The following LMX1A variants were observed in gnomAD, a reference collection of about 807,000 sequenced individuals.
The protein encoded by LMX1A is LIM homeobox transcription factor 1-alpha.
LMX1A carries 15 observed loss-of-function variants against 49.1 expected under a neutral mutation model. The observed-to-expected ratio is 0.31, with a 90% CI of 0.20 to 0.47. The LOEUF is 0.47. Ranked by LOEUF, LMX1A falls within the 20% of genes least tolerant of loss-of-function variation. LMX1A has a pLI of 1.00. For missense variants in LMX1A, 372 were observed against 475.8 expected, an observed-to-expected ratio of 0.78 and a Z score of 2.03; for synonymous variants, 167 against 185.7, an observed-to-expected ratio of 0.90 and a Z score of 0.82.
At chr1:165,342,684 A>G (rs1438519226) in intron 3 of LMX1A, among the ~76,000 whole-genome samples, 1 of 152,108 alleles carries the variant, frequency 6.6e-6, no homozygotes, top group Non-Finnish European at 1.5e-5. Context: ...CCCAAATCCT[A>G]AAAACTTCCT....
At chr1:165,301,626 C>A (rs370940405) in intron 3 of LMX1A, among the ~76,000 whole-genome samples, 11 of 152,088 alleles carry the variant, frequency 7.2e-5, no homozygotes, top group Non-Finnish European at 1.2e-4. Context: ...GGTGAGAATG[C>A]GCTGCTAAAT....
intron 3 of LMX1A, among the ~76,000 whole-genome samples, chr1:165,282,873 T>A (rs1332566721): frequency 6.6e-6 from 1 of 152,224 alleles, no homozygotes; most frequent in Non-Finnish European, 1.5e-5. Context: ...GTAATCTTTT[T>A]AAAATGTAAA....
Position 165,249,645 on chromosome 1 carries a change from C to T in LMX1A, c.264-5G>A. The T allele has an allele frequency of 6.2e-7, 1 of 1,611,582 alleles. No individual in the cohort carries two copies. ...CCACATTTAACAGCAAACAGCCTGG[C>T]AGCAGGGAGAAAGGAAGTACATGCA... On this transcript the variant is annotated splice_region_variant and splice_polypyrimidine_tract_variant and intron_variant, in intron 3 of 8. Transcript: ENST00000342310.
intron 2 of LMX1A, among the ~76,000 whole-genome samples, chr1:165,354,379 T>C (rs929933293): frequency 2.0e-5 from 3 of 152,170 alleles, no homozygotes; most frequent in Non-Finnish European, 4.4e-5. Context: ...CTCGGCGTCC[T>C]GGGCCACGTT....
At chr1:165,249,667 T>C (rs1483222244) in intron 3 of LMX1A, 27 bp from the exon 4 acceptor site, 25 of 1,583,070 alleles carry the variant, frequency 1.6e-5, no homozygotes, top group Non-Finnish European at 2.0e-5. Flanking sequence ...AGGAAGTACA[T>C]GCACCATGAG....
intron 3 of LMX1A, among the ~76,000 whole-genome samples, chr1:165,324,591 G>A (rs547654266): frequency 1.1e-3 from 163 of 152,208 alleles, no homozygotes; most frequent in African/African-American, 3.7e-3. Flanking sequence ...GGGAGAAAAG[G>A]AATGTTTGCA....
chr1:165,268,455 T>C (rs1454358731), intron 3 of LMX1A, among the ~76,000 whole-genome samples: 1 of 152,196 alleles, frequency 6.6e-6, no homozygotes, highest in African/African-American at 2.4e-5. Context: ...TCAAACCACA[T>C]GCATAACGTT....
At chr1:165,350,173 C>CAAAAAAAAAAAAAAAAAAAAAAA (rs60150264) in intron 3 of LMX1A, among the ~76,000 whole-genome samples, 1 of 80,210 alleles carries the variant, frequency 1.2e-5, no homozygotes, top group Non-Finnish European at 2.3e-5. Flanking sequence ...AAAGATCCAC[C>CAAAAAAAAAAAAAAAAAAAAAAA]AAAAAAAAAA....
At chr1:165,204,553 C>G (rs1650991906) in intron 8 of LMX1A, among the ~76,000 whole-genome samples, 1 of 152,164 alleles carries the variant, frequency 6.6e-6, no homozygotes, top group Non-Finnish European at 1.5e-5. Flanking sequence ...CTACCTTCAA[C>G]TAATTTACAC....
chr1:165,309,912 T>C (rs1433559213), intron 3 of LMX1A, among the ~76,000 whole-genome samples: 1 of 152,218 alleles, frequency 6.6e-6, no homozygotes. Flanking sequence ...TCCTGAACAG[T>C]CATTTCCTCA....
intron 3 of LMX1A, among the ~76,000 whole-genome samples, chr1:165,283,884 A>G (rs1306688275): frequency 6.6e-6 from 1 of 152,224 alleles, no homozygotes. Context: ...ATGTATCACA[A>G]GCCTATGCTT....
At chr1:165,339,992 G>A (rs527840155) in intron 3 of LMX1A, among the ~76,000 whole-genome samples, 3 of 151,876 alleles carry the variant, frequency 2.0e-5, no homozygotes, top group South Asian at 2.1e-4. Flanking sequence ...TTCTCACTAC[G>A]CATCTTCTTG....
chr1:165,352,695 C>T (rs1656468510), intron 3 of LMX1A, among the ~76,000 whole-genome samples: 1 of 152,248 alleles, frequency 6.6e-6, no homozygotes, highest in South Asian at 2.1e-4. Flanking sequence ...GACACGGGGT[C>T]ACTGGCAACC....
chr1:165,342,174 G>A (rs997112773), intron 3 of LMX1A, among the ~76,000 whole-genome samples: 1 of 152,194 alleles, frequency 6.6e-6, no homozygotes, highest in Non-Finnish European at 1.5e-5. Flanking sequence ...ATCCAGCTAG[G>A]CCAAGTAAAA....
chr1:165,288,097 T>C (rs561212541), intron 3 of LMX1A, among the ~76,000 whole-genome samples: 5 of 152,364 alleles, frequency 3.3e-5, no homozygotes, highest in Admixed American at 2.6e-4. Context: ...TCATTTCTCC[T>C]GGAACAAATA....
chr1:165,312,255 T>C (rs1571216580), intron 3 of LMX1A, among the ~76,000 whole-genome samples: 1 of 152,244 alleles, frequency 6.6e-6, no homozygotes, highest in African/African-American at 2.4e-5. Context: ...CAGTATGGTA[T>C]GATAGGCACA....
At chr1:165,312,670 C>A (rs553610216) in intron 3 of LMX1A, among the ~76,000 whole-genome samples, 5 of 152,220 alleles carry the variant, frequency 3.3e-5, no homozygotes, top group Non-Finnish European at 5.9e-5. Context: ...CATCCCCAGC[C>A]GAGCTCCCAG....
intron 3 of LMX1A, among the ~76,000 whole-genome samples, chr1:165,254,544 C>T (rs182811774): frequency 2.0e-5 from 3 of 152,308 alleles, no homozygotes; most frequent in Admixed American, 1.3e-4. Flanking sequence ...TGCATGTGGT[C>T]CACCACCTGT....
chr1:165,281,760 G>A (rs1654159699), intron 3 of LMX1A, among the ~76,000 whole-genome samples: 1 of 151,976 alleles, frequency 6.6e-6, no homozygotes, highest in South Asian at 2.1e-4. Context: ...GTGTGTGTGT[G>A]TGTGTGTGTG....
Sources: gnomAD v4.1 joint callset for allele counts (sites outside exome capture counted in the v4.1 genomes callset) on GRCh38, gnomAD v4.1.1 for gene constraint, MANE v1.5 for transcripts, NCBI Gene and HGNC (gene_info 2026-07-23, HGNC 2026-07-21) for gene names.